Variants in TNFRSF10B observed in about 807,000 individuals in gnomAD.
The protein encoded by TNFRSF10B is tumor necrosis factor receptor superfamily member 10B.
A neutral mutation model predicts 41.4 loss-of-function variants in TNFRSF10B; 35 were observed. The ratio of observed to expected loss-of-function variants is 0.85; its 90% CI spans 0.65 to 1.12. The LOEUF (loss-of-function observed/expected upper bound fraction) is 1.12. Among genes scored for constraint, TNFRSF10B ranks in the 50% most tolerant of loss-of-function variants. The pLI is 0.00. For synonymous variants in TNFRSF10B, 230 were observed against 215.5 expected (o/e 1.07, Z -0.59); for missense variants, 584 against 552.7 (o/e 1.06, Z -0.57).
At chr8:23,059,925 A>C (rs1294694983) in intron 1 of TNFRSF10B, among the ~76,000 whole-genome samples, 1 of 152,160 alleles carries the variant, frequency 6.6e-6, no homozygotes, top group Non-Finnish European at 1.5e-5. Context: ...ATACTTATTG[A>C]CCATTTGTAT....
In TNFRSF10B at chr8:23,068,833, C is replaced by T; in HGVS notation, c.62G>A (p.Gly21Glu). ...CCTGGCTCCCCGCGCCTCCCTGGGTCCTGGGCCGTGCCTTTTCCGGGCCCC... is the reference window on the plus strand; with the variant it reads ...CCTGGCTCCCCGCGCCTCCCTGGGTTCTGGGCCGTGCCTTTTCCGGGCCCC... ...ASGARKRHGP[G>E]PREARGARPG... Residue 21 changes from glycine (G) to glutamate (E), a missense_variant, in exon 1 of 9, where the codon GGA (glycine) becomes GAA (glutamate). Coordinates refer to ENST00000276431, the MANE Select transcript of TNFRSF10B (RefSeq NM_003842.5). 6.2e-7 allele frequency: 1 copy of T among 1,613,156 alleles called. No homozygotes were observed. The highest frequency in any genetic ancestry group is 8.5e-7 in the Non-Finnish European group (1 of 1,179,900).
chr8:23,023,297 G>A (rs1811599816), intron 8 of TNFRSF10B, among the ~76,000 whole-genome samples: 1 of 152,240 alleles, frequency 6.6e-6, no homozygotes, highest in African/African-American at 2.4e-5. Flanking sequence ...GTCCGAGGGA[G>A]GGAGAGACAG....
At chr8:23,047,796 A>C (rs953393188) in intron 1 of TNFRSF10B, among the ~76,000 whole-genome samples, 1 of 152,204 alleles carries the variant, frequency 6.6e-6, no homozygotes, top group Non-Finnish European at 1.5e-5. Context: ...GGCAGTATGG[A>C]GCTTCCTCAA....
chr8:23,052,112 AAAAT>A (rs1314231125), intron 1 of TNFRSF10B, among the ~76,000 whole-genome samples: 2 of 152,164 alleles, frequency 1.3e-5, no homozygotes, highest in Non-Finnish European at 2.9e-5. Context: ...GTAAATGATT[AAAAT>A]AAATAATTAG....
At chr8:23,044,128 A>C (rs1051510071) in intron 1 of TNFRSF10B, among the ~76,000 whole-genome samples, 1 of 152,228 alleles carries the variant, frequency 6.6e-6, no homozygotes, top group African/African-American at 2.4e-5. Flanking sequence ...TCATCACAAA[A>C]CAATGACCTC....
At chr8:23,045,155 G>A (rs1266114793) in intron 1 of TNFRSF10B, among the ~76,000 whole-genome samples, 1 of 151,410 alleles carries the variant, frequency 6.6e-6, no homozygotes, top group East Asian at 1.9e-4. Context: ...ACTTGAACCT[G>A]GGAGGTGAAA....
At chr8:23,023,343 G>T (rs992336647) in intron 8 of TNFRSF10B, among the ~76,000 whole-genome samples, 4 of 152,186 alleles carry the variant, frequency 2.6e-5, no homozygotes, top group African/African-American at 9.7e-5. Flanking sequence ...GGAGGAGGCT[G>T]CCTGGGCTGC....
chr8:23,046,611 A>G (rs1339832685), intron 1 of TNFRSF10B, among the ~76,000 whole-genome samples: 1 of 87,024 alleles, frequency 1.1e-5, no homozygotes, highest in African/African-American at 8.3e-5. Flanking sequence ...TTCATATGCA[A>G]CCATAAAAAA....
chr8:23,033,204 AG>A (rs1811929156), intron 2 of TNFRSF10B, among the ~76,000 whole-genome samples: 1 of 152,230 alleles, frequency 6.6e-6, no homozygotes, highest in African/African-American at 2.4e-5. Flanking sequence ...CATTACTAGT[AG>A]ATCTGCCCTG....
chr8:23,043,894 C>T (rs982912089), intron 1 of TNFRSF10B, among the ~76,000 whole-genome samples: 1 of 152,224 alleles, frequency 6.6e-6, no homozygotes, highest in African/African-American at 2.4e-5. Flanking sequence ...CTATGACACA[C>T]CTGGCCTATA....
chr8:23,024,963 G>A (rs980584972), intron 7 of TNFRSF10B, among the ~76,000 whole-genome samples: 3 of 151,856 alleles, frequency 2.0e-5, no homozygotes, highest in Admixed American at 1.3e-4. Context: ...GCGACATAGC[G>A]AGATCCTGTT....
intron 1 of TNFRSF10B, among the ~76,000 whole-genome samples, chr8:23,054,380 A>G (rs1306162173): frequency 6.6e-6 from 1 of 152,208 alleles, no homozygotes; most frequent in Non-Finnish European, 1.5e-5. Flanking sequence ...TTTAACATTT[A>G]AGTACAGTAT....
chr8:23,046,113 T>C (rs892114047), intron 1 of TNFRSF10B, among the ~76,000 whole-genome samples: 1 of 152,182 alleles, frequency 6.6e-6, no homozygotes, highest in African/African-American at 2.4e-5. Context: ...AAGAAAAGAA[T>C]TATTAGGTAT....
chr8:23,057,027 C>G (rs568878848), intron 1 of TNFRSF10B, among the ~76,000 whole-genome samples: 25 of 129,760 alleles, frequency 1.9e-4, no homozygotes, highest in Admixed American at 1.6e-3. Context: ...TGGTTCAGAT[C>G]TTTTATGACT....
intron 1 of TNFRSF10B, chr8:23,068,353 C>T: frequency 3.8e-6 from 1 of 265,504 alleles, no homozygotes; most frequent in Non-Finnish European, 7.3e-6. Context: ...GAAATTAAGG[C>T]AGGAACTGAG....
chr8:23,047,520 C>G (rs1812398610), intron 1 of TNFRSF10B, among the ~76,000 whole-genome samples: 1 of 151,584 alleles, frequency 6.6e-6, no homozygotes, highest in South Asian at 2.1e-4. Context: ...AAAAAATAAT[C>G]TGATTACAAA....
At position 23,030,781 on chromosome 8, in the gene TNFRSF10B, C is replaced by T. The variant is rs1258055967; in HGVS notation, c.342G>A (p.Leu114=). 6.2e-7 allele frequency: 1 copy of T among 1,612,984 alleles called. No individual in the cohort carries two copies. Among genetic ancestry groups the T allele is most frequent in the South Asian group, 1.1e-5 (1 of 90,882 alleles). The change falls in exon 3 of 9, where the codon TTG becomes TTA. Residue 114 remains leucine (L), a synonymous_variant. Transcript: ENST00000276431. ...TACCTGAATCACACCTGGTGCAGCG[C>T]AAGCAGAAAAGGAGGTCATTCCAGT... is the stretch of plus-strand genomic sequence containing the variant. ...STHWNDLLFC[L]RCTRCDSGEV...
chr8:23,049,766 G>A (rs1013333365), intron 1 of TNFRSF10B: 3 of 152,018 alleles, frequency 2.0e-5, no homozygotes, highest in African/African-American at 7.3e-5. Context: ...TTATTGGGCA[G>A]TGAGATTCAC....
At chr8:23,029,772 T>C (rs1292743024) in intron 3 of TNFRSF10B, 51 bp from the exon 4 acceptor site, 3 of 1,552,232 alleles carry the variant, frequency 1.9e-6, no homozygotes, top group Admixed American at 3.6e-5. Flanking sequence ...ATGTGTCCCT[T>C]GACCCTTCCT....
Sources: gnomAD v4.1 joint callset for allele counts (sites outside exome capture counted in the v4.1 genomes callset) on GRCh38, gnomAD v4.1.1 for gene constraint, MANE v1.5 for transcripts, NCBI Gene and HGNC (gene_info 2026-07-23, HGNC 2026-07-21) for gene names.